The following TTC28 variants were observed in gnomAD, a reference collection of about 807,000 sequenced individuals.
TTC28 encodes tetratricopeptide repeat domain 28, also known as tetratricopeptide repeat protein 28.
TTC28 carries 61 observed loss-of-function variants against 198.0 expected under a neutral mutation model. That is an observed-to-expected ratio of 0.31 (90% confidence interval 0.25 to 0.38). The LOEUF (loss-of-function observed/expected upper bound fraction) is 0.38. TTC28 is among the 10% of genes least tolerant of loss of function. The pLI is 1.00. For synonymous variants in TTC28, 1,171 were observed against 1,297.8 expected, an observed-to-expected ratio of 0.90 and a Z score of 2.10; for missense variants, 2,678 against 3,164.0, an observed-to-expected ratio of 0.85 and a Z score of 3.69.
chr22:28,645,128 G>A (rs1270248228), intron 1 of TTC28, among the ~76,000 whole-genome samples: 3 of 151,464 alleles, frequency 2.0e-5, no homozygotes, highest in Admixed American at 2.0e-4. Flanking sequence ...GGGCGACAGA[G>A]TGAGACTCCG....
At chr22:28,340,346 A>C (rs938849972) in intron 2 of TTC28, among the ~76,000 whole-genome samples, 1 of 152,144 alleles carries the variant, frequency 6.6e-6, no homozygotes, top group African/African-American at 2.4e-5. Context: ...GTAACTGCTA[A>C]GGCATACCAA....
intron 8 of TTC28, 99 bp from the exon 9 acceptor site, chr22:28,101,379 G>C: frequency 9.6e-7 from 1 of 1,044,256 alleles, no homozygotes; most frequent in Non-Finnish European, 1.4e-6. Flanking sequence ...GTTTTTGTTT[G>C]TTTTGAGACA....
At chr22:28,310,192 A>G (rs2045231862) in intron 2 of TTC28, among the ~76,000 whole-genome samples, 1 of 151,390 alleles carries the variant, frequency 6.6e-6, no homozygotes, top group Admixed American at 6.6e-5. Flanking sequence ...AGACAAGAGC[A>G]CCCTCAAGGT....
intron 2 of TTC28, among the ~76,000 whole-genome samples, chr22:28,570,811 G>T (rs142487934): frequency 6.6e-6 from 1 of 152,220 alleles, no homozygotes; most frequent in East Asian, 1.9e-4. Context: ...CAAACAAAAT[G>T]CTAAAAAAGT....
intron 6 of TTC28, among the ~76,000 whole-genome samples, chr22:28,110,131 G>A (rs140955539): frequency 4.8e-4 from 73 of 152,310 alleles, no homozygotes; most frequent in African/African-American, 1.7e-3. Flanking sequence ...GATCAAGGCT[G>A]AAGTCAGGGC....
intron 2 of TTC28, among the ~76,000 whole-genome samples, chr22:28,431,868 C>T (rs1040233470): frequency 1.5e-4 from 23 of 152,120 alleles, no homozygotes; most frequent in Non-Finnish European, 1.2e-4. Context: ...ATCCCAGCTA[C>T]TTGGGAGGCT....
At chr22:28,232,988 G>A (rs781097059) in intron 5 of TTC28, among the ~76,000 whole-genome samples, 26 of 151,874 alleles carry the variant, frequency 1.7e-4, no homozygotes, top group Non-Finnish European at 2.6e-4. Context: ...TGTAATCCCA[G>A]CTACTCGGGA....
intron 1 of TTC28, among the ~76,000 whole-genome samples, chr22:28,674,384 G>A (rs551644797): frequency 2.0e-4 from 30 of 150,878 alleles, no homozygotes; most frequent in Non-Finnish European, 3.7e-4. Flanking sequence ...ATTAGCAGAA[G>A]AAGATAAAAA....
chr22:28,084,378 G>A (rs560042329), intron 12 of TTC28, among the ~76,000 whole-genome samples: 3 of 152,286 alleles, frequency 2.0e-5, no homozygotes, highest in Non-Finnish European at 2.9e-5. Flanking sequence ...TGCAGCCACC[G>A]CTGCTGATAC....
intron 2 of TTC28, among the ~76,000 whole-genome samples, chr22:28,562,910 T>A (rs2049910170): frequency 6.6e-6 from 1 of 152,030 alleles, no homozygotes; most frequent in South Asian, 2.1e-4. Context: ...ATCACTTGAG[T>A]TCAGGAGTTT....
At chr22:28,610,832 TCAGA>T (rs756378728) in intron 2 of TTC28, among the ~76,000 whole-genome samples, 6 of 151,812 alleles carry the variant, frequency 4.0e-5, no homozygotes, top group East Asian at 1.9e-4. Context: ...TGAAAAAAGG[TCAGA>T]CAAATTGCCA....
At chr22:28,223,439 G>C (rs977368254) in intron 5 of TTC28, among the ~76,000 whole-genome samples, 36 of 152,144 alleles carry the variant, frequency 2.4e-4, no homozygotes, top group African/African-American at 7.7e-4. Context: ...ATTGTTAAAC[G>C]TTTACAGGAA....
intron 6 of TTC28, among the ~76,000 whole-genome samples, chr22:28,153,112 A>C (rs1943648447): frequency 1.3e-5 from 2 of 152,074 alleles, no homozygotes. Flanking sequence ...TCTGATTCAG[A>C]TTACCAGATT....
At chr22:28,267,113 A>G (rs1931732377) in intron 5 of TTC28, among the ~76,000 whole-genome samples, 1 of 152,186 alleles carries the variant, frequency 6.6e-6, no homozygotes, top group Admixed American at 6.5e-5. Context: ...GTAACAGTTG[A>G]TCTCTAGGTG....
At chr22:28,530,319 G>T (rs1023742799) in intron 2 of TTC28, among the ~76,000 whole-genome samples, 4 of 152,136 alleles carry the variant, frequency 2.6e-5, no homozygotes, top group Non-Finnish European at 4.4e-5. Flanking sequence ...AGTGATTGAA[G>T]ATCAAATGAA....
chr22:28,392,196 C>G (rs749157264), intron 2 of TTC28, among the ~76,000 whole-genome samples: 1 of 152,308 alleles, frequency 6.6e-6, no homozygotes, highest in Non-Finnish European at 1.5e-5. Context: ...GCAGTCTGCC[C>G]GTTCTCAGAT....
At chr22:28,410,062 C>T (rs762021944) in intron 2 of TTC28, among the ~76,000 whole-genome samples, 5 of 152,000 alleles carry the variant, frequency 3.3e-5, no homozygotes, top group African/African-American at 4.8e-5. Flanking sequence ...GCTGGGACTG[C>T]AGGCATGTAC....
intron 5 of TTC28, among the ~76,000 whole-genome samples, chr22:28,202,891 C>CT (rs887362247): frequency 2.6e-5 from 4 of 151,860 alleles, no homozygotes; most frequent in Admixed American, 1.3e-4. Flanking sequence ...ATTTTCTCTT[C>CT]TTTTTTTTAA....
At chr22:28,142,679 T>C (rs1447240297) in intron 6 of TTC28, among the ~76,000 whole-genome samples, 1 of 152,114 alleles carries the variant, frequency 6.6e-6, no homozygotes, top group African/African-American at 2.4e-5. Context: ...ACTGGAGCCA[T>C]AAAAACAGAA....
Sources: allele counts gnomAD v4.1 joint callset (sites outside exome capture counted in the v4.1 genomes callset), GRCh38; gene constraint gnomAD v4.1.1; transcripts MANE v1.5; gene names NCBI Gene and HGNC (gene_info 2026-07-23, HGNC 2026-07-21).